The following CLIP4 variants were observed in gnomAD, a reference collection of about 807,000 sequenced individuals.
CLIP4 encodes the protein CAP-Gly domain containing linker protein family member 4, also known as CAP-Gly domain-containing linker protein 4.
A neutral mutation model predicts 73.1 loss-of-function variants in CLIP4; 47 were observed. The ratio of observed to expected loss-of-function variants is 0.64; its 90% CI spans 0.51 to 0.82. CLIP4 has a LOEUF of 0.82. CLIP4 is among the 40% of genes least tolerant of loss of function. CLIP4 has a pLI of 0.00. For missense variants in CLIP4, 874 were observed against 852.9 expected (o/e 1.02, Z -0.31); for synonymous variants, 306 against 295.4 (o/e 1.04, Z -0.37).
chr2:29,149,427 T>C (rs1035012857), intron 8 of CLIP4, among the ~76,000 whole-genome samples: 5 of 151,422 alleles, frequency 3.3e-5, no homozygotes, highest in Non-Finnish European at 7.4e-5. Context: ...TTTTTTTTCT[T>C]TAGAGTTCAT....
chr2:29,130,017 C>T, intron 2 of CLIP4: 2 of 471,084 alleles, frequency 4.2e-6, no homozygotes, highest in South Asian at 1.5e-5. Context: ...TCACCCTTCC[C>T]CCTTTTGAAC....
intron 14 of CLIP4, 156 bp downstream of exon 14, chr2:29,167,696 C>T (rs1234961837): frequency 2.0e-6 from 1 of 500,104 alleles, no homozygotes; most frequent in East Asian, 3.5e-5. Context: ...TGTCCCCTGG[C>T]TGAAGAAGAT....
intron 8 of CLIP4, among the ~76,000 whole-genome samples, chr2:29,150,424 A>G (rs1295446592): frequency 6.6e-6 from 1 of 152,062 alleles, no homozygotes; most frequent in African/African-American, 2.4e-5. Context: ...TGTTCAGAAA[A>G]CCACACGTTT....
intron 1 of CLIP4, among the ~76,000 whole-genome samples, chr2:29,101,871 G>A (rs1384575238): frequency 6.6e-6 from 1 of 152,180 alleles, no homozygotes; most frequent in Non-Finnish European, 1.5e-5. Context: ...CAAAATTAAA[G>A]GCTCATGCCA....
At position 29,167,237 on chromosome 2, in the gene CLIP4, T is replaced by C. The variant is rs575807794; in HGVS notation, c.1659-239T>C. On this transcript the variant is annotated intron_variant, in intron 13 of 15. Transcript: ENST00000320081. ...TACAAAGAAATTCAGGTCCATATTTTAGGTGAATTCACTTGAATTTTTTTC... is the reference window on the plus strand; with the variant it reads ...TACAAAGAAATTCAGGTCCATATTTCAGGTGAATTCACTTGAATTTTTTTC... Among the ~76,000 whole-genome samples the C allele has an allele frequency of 1.5e-4, 23 of 152,350 alleles. No homozygotes were observed. The South Asian group carries it at 4.1e-3, about 27-fold the overall frequency.
Position 29,121,376 on chromosome 2 carries a change from G to A in CLIP4, c.-13G>A, listed in dbSNP as rs747179447. 6.3e-7 allele frequency: 1 copy of A among 1,593,720 alleles called. No homozygotes were observed. Among genetic ancestry groups the A allele is most frequent in the Non-Finnish European group, 8.5e-7 (1 of 1,173,800 alleles). ...TTTTTTTTTCTTTCTTATTATAGGT[G>A]GCTTTCTAGAAGATGACCATAGAGG... On this transcript the variant is annotated splice_region_variant and 5_prime_UTR_variant, in exon 2 of 16. Coordinates refer to ENST00000320081, the MANE Select transcript of CLIP4 (RefSeq NM_024692.6).
At chr2:29,160,565 TG>T in intron 12 of CLIP4, 98 bp downstream of exon 12, 1 of 1,408,088 alleles carries the variant, frequency 7.1e-7, no homozygotes, top group Non-Finnish European at 9.7e-7. Flanking sequence ...GAAATCTTGA[TG>T]AACAGTTTTT....
At chr2:29,111,889 A>C (rs1668393945), upstream of CLIP4, among the ~76,000 whole-genome samples, 1 of 152,078 alleles carries the variant, frequency 6.6e-6, no homozygotes, top group African/African-American at 2.4e-5. Context: ...AGTCTCCTGC[A>C]TTTTCTTTTG....
intron 8 of CLIP4, among the ~76,000 whole-genome samples, chr2:29,149,153 A>G (rs1040156024): frequency 1.3e-5 from 2 of 152,166 alleles, no homozygotes; most frequent in African/African-American, 4.8e-5. Context: ...GCAGTGTGTA[A>G]GCAGATGGAC....
At chr2:29,167,051 ATAGT>A (rs1304641728) in intron 13 of CLIP4, among the ~76,000 whole-genome samples, 8 of 152,248 alleles carry the variant, frequency 5.3e-5, no homozygotes, top group Non-Finnish European at 1.2e-4. Flanking sequence ...TATTAGCCAT[ATAGT>A]TTTACCAGAA....
intron 10 of CLIP4, among the ~76,000 whole-genome samples, chr2:29,156,989 C>G (rs888270628): frequency 1.3e-5 from 2 of 151,984 alleles, no homozygotes; most frequent in South Asian, 4.2e-4. Context: ...GTGATCTTAC[C>G]GTGGGAATCC....
In CLIP4 at chr2:29,098,411, C is replaced by A. The variant is rs146837764; in HGVS notation, c.-16+464C>A. 9.8e-4 allele frequency among the ~76,000 whole-genome samples: 149 copies of A among 152,324 alleles called. 1 individual carries two copies. The highest frequency in any genetic ancestry group is 7.5e-3 in the Admixed American group (114 of 15,294). ...CTGTGCTCCATCTGGTCATCCTTCC[C>A]GCTCTCTTTCCCAGCCCTGACAACC... is the stretch of plus-strand genomic sequence containing the variant. On this transcript the variant is annotated intron_variant, in intron 1 of 14. Coordinates refer to the CLIP4 transcript ENST00000401605.
At chr2:29,173,693 G>A (rs181463975) in intron 14 of CLIP4, among the ~76,000 whole-genome samples, 3 of 152,206 alleles carry the variant, frequency 2.0e-5, no homozygotes, top group African/African-American at 7.2e-5. Context: ...CATTCAGCAC[G>A]TCTGGTCTGC....
Position 29,160,531 on chromosome 2 carries a change from A to G in CLIP4, c.1534+64A>G, listed in dbSNP as rs1016807501. 81 of 1,552,164 alleles carry G rather than the reference A, an allele frequency of 5.2e-5. 1 individual carries two copies. The South Asian group carries it at 8.6e-4, about 16-fold the overall frequency. On this transcript the variant is annotated intron_variant, in intron 12 of 15. Coordinates refer to ENST00000320081, the MANE Select transcript of CLIP4 (RefSeq NM_024692.6). ...GAGTACAAAAGGTTTAAAATTTTACATGTAAATAGAATTTAATTGTAGAGA... is the reference window on the plus strand; with the variant it reads ...GAGTACAAAAGGTTTAAAATTTTACGTGTAAATAGAATTTAATTGTAGAGA...
intron 8 of CLIP4, among the ~76,000 whole-genome samples, chr2:29,146,654 A>T (rs1171470570): frequency 6.6e-6 from 1 of 152,088 alleles, no homozygotes; most frequent in African/African-American, 2.4e-5. Context: ...TTGTGGCCTG[A>T]TGGTGAGGTG....
intron 8 of CLIP4, among the ~76,000 whole-genome samples, chr2:29,151,838 T>TA (rs1265572202): frequency 1.4e-4 from 21 of 152,328 alleles, no homozygotes; most frequent in African/African-American, 4.8e-4. Flanking sequence ...CTGTATTCAC[T>TA]ATCTCTAATG....
chr2:29,175,996 C>G (rs1668317619), intron 15 of CLIP4, among the ~76,000 whole-genome samples: 1 of 152,186 alleles, frequency 6.6e-6, no homozygotes, highest in African/African-American at 2.4e-5. Flanking sequence ...CTCCTGACAT[C>G]ATGATCTGCC....
intron 11 of CLIP4, among the ~76,000 whole-genome samples, chr2:29,159,409 A>G (rs1667141048): frequency 6.6e-6 from 1 of 152,120 alleles, no homozygotes; most frequent in African/African-American, 2.4e-5. Context: ...AGCTTTCTAG[A>G]TCATATTTCT....
chr2:29,163,269 A>G (rs1667404510), intron 12 of CLIP4, among the ~76,000 whole-genome samples: 1 of 152,078 alleles, frequency 6.6e-6, no homozygotes, highest in Admixed American at 6.5e-5. Flanking sequence ...TAGGTAAAAA[A>G]AAAAAGATTT....
Sources: allele counts gnomAD v4.1 joint callset (sites outside exome capture counted in the v4.1 genomes callset), GRCh38; gene constraint gnomAD v4.1.1; transcripts MANE v1.5; gene names NCBI Gene and HGNC (gene_info 2026-07-23, HGNC 2026-07-21).